WNT2B: variants seen among roughly 807,000 people sequenced by gnomAD.
WNT2B encodes Wnt family member 2B, also known as protein Wnt-2b.
Under a neutral mutation model 40.5 loss-of-function variants are expected in WNT2B, and 19 were observed. That is an observed-to-expected ratio of 0.47 (90% CI 0.33 to 0.69). WNT2B has a LOEUF of 0.69. Among genes scored for constraint, WNT2B ranks in the 30% least tolerant of loss-of-function variants. The pLI, the probability that WNT2B is intolerant of heterozygous loss-of-function variation, is 0.02. For synonymous variants in WNT2B, 220 were observed against 211.9 expected (o/e 1.04, Z -0.33); for missense variants, 467 against 556.4 (o/e 0.84, Z 1.62).
At chr1:112,519,479 T>C (rs922200204) in intron 4 of WNT2B, among the ~76,000 whole-genome samples, 4 of 152,086 alleles carry the variant, frequency 2.6e-5, no homozygotes, top group Non-Finnish European at 1.5e-5. Flanking sequence ...TGGGCCCAAC[T>C]CATCCAAAAG....
upstream of WNT2B, chr1:112,508,655 G>A: frequency 1.0e-6 from 1 of 953,742 alleles, no homozygotes; most frequent in Non-Finnish European, 1.2e-6. The surrounding 1 kb of genome is among the most constrained non-coding windows in gnomAD (Gnocchi z 4.2). Flanking sequence ...CCGCCAGCCT[G>A]GCCGTCACCC....
chr1:112,469,606 T>C (rs1338045151), intron 1 of WNT2B, among the ~76,000 whole-genome samples: 2 of 152,060 alleles, frequency 1.3e-5, no homozygotes, highest in Admixed American at 6.6e-5. Context: ...TTTTTAGCTA[T>C]TGTAAATCAG....
At chr1:112,474,687 G>A (rs1300023690) in intron 1 of WNT2B, among the ~76,000 whole-genome samples, 2 of 152,152 alleles carry the variant, frequency 1.3e-5, no homozygotes, top group South Asian at 2.1e-4. Context: ...AGAAAAATGA[G>A]GATCGTGTTA....
At position 112,528,403 on chromosome 1, in the gene WNT2B, A is replaced by G. The variant is rs1158983432; in HGVS notation, c.*7894A>G. 6.6e-6 allele frequency: 1 copy of G among 152,180 alleles called. No individual in the cohort carries two copies. The highest frequency in any genetic ancestry group is 1.5e-5 in the Non-Finnish European group (1 of 68,038). The allele number at this position is 152,180 out of a possible 1,614,324, so 9.4% of individuals were successfully genotyped here. A position where few individuals can be genotyped will look rare whatever the true frequency, so the allele number is the denominator to read the frequency against. On this transcript the variant is annotated 3_prime_UTR_variant, in exon 5 of 5. Transcript: ENST00000369684. ...ACTGTCAAATGGTTCAGCATCCCCTATAGAGCCACATAGTATCTTGATTTA... is the reference window on the plus strand; with the variant it reads ...ACTGTCAAATGGTTCAGCATCCCCTGTAGAGCCACATAGTATCTTGATTTA...
chr1:112,484,844 C>G (rs1445154387), intron 1 of WNT2B, among the ~76,000 whole-genome samples: 1 of 151,804 alleles, frequency 6.6e-6, no homozygotes, highest in East Asian at 1.9e-4. Context: ...GTAAAGATAT[C>G]TGACAGGAGA....
intron 1 of WNT2B, among the ~76,000 whole-genome samples, chr1:112,481,702 C>CA (rs1270967382): frequency 5.9e-5 from 9 of 152,060 alleles, no homozygotes; most frequent in Non-Finnish European, 8.8e-5. Flanking sequence ...TTGCAGGGTA[C>CA]AAAAATCAAC....
At chr1:112,480,996 C>T (rs1435581046) in intron 1 of WNT2B, among the ~76,000 whole-genome samples, 1 of 151,986 alleles carries the variant, frequency 6.6e-6, no homozygotes, top group Non-Finnish European at 1.5e-5. Context: ...TGGAGAAACC[C>T]CGTCTCTACT....
chr1:112,508,953 A>G, upstream of WNT2B: 1 of 1,165,584 alleles, frequency 8.6e-7, no homozygotes, highest in Non-Finnish European at 1.1e-6. This position sits in a 1 kb window ranked among gnomAD's most constrained non-coding sequence, Gnocchi z 4.2. Context: ...CCCGCGGCCG[A>G]AGGGGCTGTC....
At chr1:112,514,725 G>T (rs938754090) in intron 1 of WNT2B, 149 bp from the exon 2 acceptor site, 2 of 706,110 alleles carry the variant, frequency 2.8e-6, no homozygotes, top group Non-Finnish European at 4.9e-6. Flanking sequence ...TGTGGGAAAT[G>T]GTTCTACTCA....
chr1:112,507,319 A>G (rs351368), upstream of WNT2B, among the ~76,000 whole-genome samples: 81,222 of 152,066 alleles, frequency 0.53, 22,855 homozygotes, highest in African/African-American at 0.71. Flanking sequence ...CCATGAGGGC[A>G]TAGACTGTTC....
At chr1:112,493,534 A>G (rs1362036797) in intron 1 of WNT2B, among the ~76,000 whole-genome samples, 2 of 152,156 alleles carry the variant, frequency 1.3e-5, no homozygotes, top group Non-Finnish European at 2.9e-5. Flanking sequence ...AGATGAGAGG[A>G]TCACTTGAGC....
At chr1:112,516,080 G>C (rs1443774685) in intron 2 of WNT2B, 60 bp from the exon 3 acceptor site, 3 of 1,554,864 alleles carry the variant, frequency 1.9e-6, no homozygotes. Flanking sequence ...TGTATGGGCT[G>C]AAGAAGGGGA....
chr1:112,501,938 G>C (rs1570782555), intron 1 of WNT2B, among the ~76,000 whole-genome samples: 2 of 152,238 alleles, frequency 1.3e-5, no homozygotes, highest in African/African-American at 4.8e-5. Context: ...GAAACGCGGG[G>C]ATCCCCAAGA....
chr1:112,517,984 G>A (rs1202541152), intron 4 of WNT2B: 2 of 152,626 alleles, frequency 1.3e-5, no homozygotes, highest in Non-Finnish European at 2.9e-5. Context: ...AGACCAATCT[G>A]CTGGGTAAAG....
upstream of WNT2B, among the ~76,000 whole-genome samples, chr1:112,505,854 G>T (rs1652091027): frequency 6.6e-6 from 1 of 152,194 alleles, no homozygotes; most frequent in Admixed American, 6.5e-5. Flanking sequence ...CTCATCCTAG[G>T]TTGTCCACTC....
Position 112,525,978 on chromosome 1 carries a change from G to C in WNT2B, c.*5469G>C. 6.2e-7 allele frequency: 1 copy of C among 1,612,090 alleles called. No homozygotes were observed. The highest frequency in any genetic ancestry group is 8.5e-7 in the Non-Finnish European group (1 of 1,178,634). On this transcript the variant is annotated 3_prime_UTR_variant, in exon 5 of 5. Coordinates refer to ENST00000369684, the MANE Select transcript of WNT2B (RefSeq NM_024494.3). The stretch of plus-strand genomic sequence containing the variant: ...TACAGATGCTGTTCAGAAAAATTTG[G>C]TGATTTGTCCAAGGTCACATGAACA...
upstream of WNT2B, among the ~76,000 whole-genome samples, chr1:112,504,527 T>A (rs750773850): frequency 6.6e-6 from 1 of 152,078 alleles, no homozygotes; most frequent in Non-Finnish European, 1.5e-5. Context: ...CCGGCCAGGC[T>A]GTGTACAAAG....
intron 1 of WNT2B, among the ~76,000 whole-genome samples, chr1:112,486,659 GA>G (rs60065863): frequency 0.31 from 44,993 of 145,980 alleles, 7,591 homozygotes; most frequent in African/African-American, 0.47. Context: ...AAGTTAATAA[GA>G]AAAAAAAAAC....
chr1:112,509,314 G>A lies in WNT2B; in HGVS notation c.52G>A (p.Ala18Thr), dbSNP rs3828075. ...AGCTGCGCAGCTCCCGCTTCGGCGCGCCAGCGCCCCGGTCCCTGTGCCGTC... is the reference window on the plus strand; with the variant it reads ...AGCTGCGCAGCTCCCGCTTCGGCGCACCAGCGCCCCGGTCCCTGTGCCGTC... The part of the protein sequence containing the change: ...EEAAQLPLRR[A>T]SAPVPVPSPA... The change falls in exon 1 of 5, where the codon GCC (alanine) becomes ACC (threonine). Residue 18 changes from alanine to threonine, a missense_variant. This residue lies in a region of WNT2B where 137 missense variants were observed against 117.7 expected (regional missense o/e 1.16). Transcript: ENST00000369684. This position sits in a 1 kb window ranked among gnomAD's most constrained non-coding sequence, Gnocchi z 4.2. 21 of 1,568,088 alleles carry A rather than the reference G, an allele frequency of 1.3e-5. No homozygotes were observed. In the East Asian group the frequency reaches 4.9e-4, roughly 37 times the overall value.
Sources: allele counts gnomAD v4.1 joint callset (sites outside exome capture counted in the v4.1 genomes callset), GRCh38; gene constraint gnomAD v4.1.1; regional missense constraint gnomAD v4.1.1; non-coding constraint Gnocchi (gnomAD v3.1); transcripts MANE v1.5; gene names NCBI Gene and HGNC (gene_info 2026-07-23, HGNC 2026-07-21).